The following NFILZ variants were observed in gnomAD, a reference collection of about 807,000 sequenced individuals.
The protein encoded by NFILZ is NFIL3 like protein.
At chr19:8,639,801 T>A (rs1294809969) in intron 3 of NFILZ, among the ~76,000 whole-genome samples, 4 of 152,048 alleles carry the variant, frequency 2.6e-5, no homozygotes, top group Non-Finnish European at 5.9e-5. Flanking sequence ...AGTTTATTTT[T>A]ATATGCGGTA....
intron 3 of NFILZ, among the ~76,000 whole-genome samples, chr19:8,658,643 T>A (rs2043015707): frequency 7.0e-6 from 1 of 142,188 alleles, no homozygotes; most frequent in African/African-American, 2.6e-5. Flanking sequence ...CAAATCAGAG[T>A]CTGGGGTGAT....
chr19:8,653,668 G>T (rs944054190), intron 3 of NFILZ, among the ~76,000 whole-genome samples: 1 of 152,116 alleles, frequency 6.6e-6, no homozygotes, highest in Non-Finnish European at 1.5e-5. Flanking sequence ...AATGTGTTTC[G>T]CAGCAATTTG....
In NFILZ at chr19:8,680,390, T is replaced by A. The variant is rs563172747; in HGVS notation, c.*2755T>A. 1.0e-4 allele frequency among the ~76,000 whole-genome samples: 15 copies of A among 148,018 alleles called. No individual in the cohort carries two copies. Among genetic ancestry groups the A allele is most frequent in the African/African-American group, 3.8e-4 (15 of 39,138 alleles). On this transcript the variant is annotated 3_prime_UTR_variant, in exon 6 of 6. Transcript: ENST00000691075. ...ATCATAAGTTTCTCATTGTTTCATTTTATTCAAGGCATGTTTTGTTGTAAA... is the reference window on the plus strand; with the variant it reads ...ATCATAAGTTTCTCATTGTTTCATTATATTCAAGGCATGTTTTGTTGTAAA...
chr19:8,631,986 C>T (rs2042872412), intron 1 of NFILZ, among the ~76,000 whole-genome samples: 1 of 152,006 alleles, frequency 6.6e-6, no homozygotes, highest in Non-Finnish European at 1.5e-5. Context: ...TCTTTCGTCT[C>T]AGCCTCTCCA....
At chr19:8,658,516 T>C (rs1391628280) in intron 3 of NFILZ, among the ~76,000 whole-genome samples, 1 of 151,980 alleles carries the variant, frequency 6.6e-6, no homozygotes, top group Non-Finnish European at 1.5e-5. Context: ...TGTCCTAAAG[T>C]TGGAAGTGGG....
intron 3 of NFILZ, among the ~76,000 whole-genome samples, chr19:8,644,261 C>T (rs1285902732): frequency 6.6e-6 from 1 of 151,364 alleles, no homozygotes; most frequent in Non-Finnish European, 1.5e-5. Flanking sequence ...CTACCATGCC[C>T]AACTAATTTT....
chr19:8,651,168 C>CT (rs1342313297), intron 3 of NFILZ, among the ~76,000 whole-genome samples: 143 of 151,336 alleles, frequency 9.4e-4, no homozygotes, highest in African/African-American at 3.3e-3. Flanking sequence ...ATATAATAAG[C>CT]TTTTTTTTTC....
chr19:8,674,453 C>T (rs1211512455), intron 3 of NFILZ, among the ~76,000 whole-genome samples, 98 bp from the exon 4 acceptor site: 2 of 151,936 alleles, frequency 1.3e-5, no homozygotes, highest in East Asian at 1.9e-4. Context: ...TAAATATGCA[C>T]CTCAAATTGT....
At chr19:8,634,093 G>T (rs1312593911) in intron 2 of NFILZ, among the ~76,000 whole-genome samples, 1 of 151,666 alleles carries the variant, frequency 6.6e-6, no homozygotes, top group Admixed American at 6.6e-5. Flanking sequence ...CACCTGCCAG[G>T]TTCAAGCGAT....
rs182808641 is a variant in NFILZ at position 8,643,995 on chromosome 19, C to A, written c.-164+8249C>A. ...CTCTCTCTCAGCCATTTGCATTCCC[C>A]CAACACCTCCTTCCCTCATTATGGA... On this transcript the variant is annotated intron_variant, in intron 3 of 5. Transcript: ENST00000691075. Among the ~76,000 whole-genome samples, 894 of 152,224 alleles carry A rather than the reference C, an allele frequency of 5.9e-3. 36 individuals carry two copies. The highest frequency in any genetic ancestry group is 0.055 in the Admixed American group (843 of 15,262).
intron 2 of NFILZ, among the ~76,000 whole-genome samples, chr19:8,633,893 T>A (rs1034781986): frequency 7.7e-6 from 1 of 130,538 alleles, no homozygotes; most frequent in Admixed American, 8.0e-5. Context: ...CTTCCTTCCT[T>A]CCTTCCTTCC....
intron 3 of NFILZ, among the ~76,000 whole-genome samples, chr19:8,662,305 G>A (rs1487905922): frequency 1.3e-5 from 2 of 152,124 alleles, no homozygotes; most frequent in African/African-American, 4.8e-5. Context: ...GTAAGTATGT[G>A]AGTGTGTGTG....
intron 3 of NFILZ, among the ~76,000 whole-genome samples, chr19:8,666,251 C>T (rs569217637): frequency 6.6e-6 from 1 of 152,156 alleles, no homozygotes; most frequent in South Asian, 2.1e-4. Context: ...CAGGGTGTCA[C>T]TCCTATCATC....
At chr19:8,657,061 G>A (rs2043007475) in intron 3 of NFILZ, among the ~76,000 whole-genome samples, 1 of 151,930 alleles carries the variant, frequency 6.6e-6, no homozygotes, top group South Asian at 2.1e-4. Context: ...GTTGAAAGGA[G>A]TCTTGTTCCT....
intron 3 of NFILZ, among the ~76,000 whole-genome samples, chr19:8,673,867 GT>G (rs1158355302): frequency 6.6e-6 from 1 of 152,146 alleles, no homozygotes; most frequent in African/African-American, 2.4e-5. Flanking sequence ...TTGAGATGGA[GT>G]CTTGCTCTGT....
At chr19:8,669,467 A>G (rs1600154512) in intron 3 of NFILZ, among the ~76,000 whole-genome samples, 1 of 151,870 alleles carries the variant, frequency 6.6e-6, no homozygotes, top group East Asian at 1.9e-4. Context: ...AACCCAGTTA[A>G]AGCAGGTGTT....
At chr19:8,656,352 T>TTCCCTGAAGCCCACCTTC (rs1361492138) in intron 3 of NFILZ, among the ~76,000 whole-genome samples, 94 of 28,774 alleles carry the variant, frequency 3.3e-3, no homozygotes, top group Middle Eastern at 0.013. Flanking sequence ...AGCCCACCTC[T>TTCCCTGAAGCCCACCTTC]TCCCTGAAGC....
intron 3 of NFILZ, among the ~76,000 whole-genome samples, chr19:8,658,753 C>CTGT (rs1318859984): frequency 2.0e-5 from 3 of 152,098 alleles, no homozygotes; most frequent in African/African-American, 4.8e-5. Flanking sequence ...GGATATACCA[C>CTGT]GAGGAAGAAA....
chr19:8,632,940 C>T (rs1475078720), intron 2 of NFILZ, among the ~76,000 whole-genome samples: 1 of 151,198 alleles, frequency 6.6e-6, no homozygotes, highest in African/African-American at 2.4e-5. Flanking sequence ...CCAGGCTGGT[C>T]TCAAACTCTT....
Sources: gnomAD v4.1 joint callset for allele counts (sites outside exome capture counted in the v4.1 genomes callset) on GRCh38, gnomAD v4.1.1 for gene constraint, MANE v1.5 for transcripts, NCBI Gene and HGNC (gene_info 2026-07-23, HGNC 2026-07-21) for gene names.